DYSF: variants seen among roughly 807,000 people sequenced by gnomAD.
DYSF encodes the protein dysferlin.
In DYSF, 212 loss-of-function variants were observed where a neutral mutation model predicts 274.9. The observed-to-expected ratio is 0.77, with a 90% CI of 0.69 to 0.86. The LOEUF is 0.86. Among genes scored for constraint, DYSF ranks in the 40% least tolerant of loss-of-function variants. The pLI, the probability that DYSF is intolerant of heterozygous loss-of-function variation, is 0.00. For missense variants in DYSF, 2,666 were observed against 2,783.2 expected (o/e 0.96, Z 0.95); for synonymous variants, 1,091 against 1,078.7 (o/e 1.01, Z -0.22).
At chr2:71,564,239 T>C in intron 24 of DYSF, 26 bp downstream of exon 24, 1 of 1,614,160 alleles carries the variant, frequency 6.2e-7, no homozygotes, top group Non-Finnish European at 8.5e-7. Flanking sequence ...TCCCAAGTCA[T>C]GATCGTATTT....
intron 20 of DYSF, 55 bp from the exon 21 acceptor site, chr2:71,553,752 A>AACCCCCCCCCCCCCCCCCCGG: frequency 3.7e-6 from 1 of 267,804 alleles, no homozygotes; most frequent in Non-Finnish European, 6.7e-6. Context: ...TTAGCACCCC[A>AACCCCCCCCCCCCCCCCCCGG]TCCCACCCGC....
chr2:71,523,880 C>T (rs568338851), intron 12 of DYSF, among the ~76,000 whole-genome samples: 15 of 152,234 alleles, frequency 9.9e-5, no homozygotes, highest in Non-Finnish European at 1.5e-4. Context: ...TAGAATCACG[C>T]GTGTCTCCTC....
At chr2:71,582,254 T>G (rs890382885) in intron 30 of DYSF, among the ~76,000 whole-genome samples, 15 of 152,136 alleles carry the variant, frequency 9.9e-5, no homozygotes, top group African/African-American at 3.4e-4. Context: ...TCAAAAGTAG[T>G]TAGCACTTGG....
rs189910924 is a variant in DYSF at position 71,480,755 on chromosome 2, A to C, written c.92-128A>C. ...TTGCAGACTGGCGGGTTCTCAGGGA[A>C]TCTGTTGATTTTGTAAGATTTCCCT... is the stretch of plus-strand genomic sequence containing the variant. On this transcript the variant is annotated intron_variant, in intron 1 of 55. Transcript: ENST00000410020. The C allele has an allele frequency of 7.5e-5, 61 of 811,248 alleles. 1 individual carries two copies. In the East Asian group the frequency reaches 1.6e-3, roughly 21 times the overall value. The allele number at this position is 811,248 out of a possible 1,614,324, so 50.3% of individuals were successfully genotyped here.
At chr2:71,560,594 C>T (rs911275888) in intron 22 of DYSF, among the ~76,000 whole-genome samples, 1 of 152,192 alleles carries the variant, frequency 6.6e-6, no homozygotes, top group Non-Finnish European at 1.5e-5. Context: ...TACTGCTCCC[C>T]CCATCCTAAA....
At chr2:71,591,010 A>G (rs1332582696) in intron 32 of DYSF, among the ~76,000 whole-genome samples, 1 of 152,186 alleles carries the variant, frequency 6.6e-6, no homozygotes, top group Non-Finnish European at 1.5e-5. Context: ...GATTTCAAGT[A>G]TAGACACTGA....
At chr2:71,519,766 TC>T (rs2087034442) in intron 10 of DYSF, among the ~76,000 whole-genome samples, 1 of 151,596 alleles carries the variant, frequency 6.6e-6, no homozygotes, top group South Asian at 2.1e-4. Flanking sequence ...TGCCTCAGCT[TC>T]CCAAGTAGCT....
At chr2:71,611,053 GAGA>G in intron 36 of DYSF, 189 bp from the exon 37 acceptor site, 1 of 637,082 alleles carries the variant, frequency 1.6e-6, no homozygotes, top group South Asian at 1.7e-5. Context: ...TGTGATCCTG[GAGA>G]AGATGATGCC....
intron 39 of DYSF, 100 bp from the exon 40 acceptor site, chr2:71,613,234 C>A: frequency 9.9e-7 from 1 of 1,005,436 alleles, no homozygotes; most frequent in Non-Finnish European, 1.5e-6. Context: ...GGAGAGACTG[C>A]AGGGTCTTGT....
At chr2:71,475,888 C>A (rs1162548321) in intron 1 of DYSF, among the ~76,000 whole-genome samples, 1 of 152,152 alleles carries the variant, frequency 6.6e-6, no homozygotes, top group African/African-American at 2.4e-5. Flanking sequence ...CCCACCTCAG[C>A]ATCTCGAGTA....
In DYSF at chr2:71,520,112, G is replaced by T. The variant is rs376966777; in HGVS notation, c.1003-66G>T. 4 of 1,589,090 alleles carry T rather than the reference G, an allele frequency of 2.5e-6. No homozygotes were observed. In the African/African-American group the frequency reaches 5.4e-5, roughly 21 times the overall value. On this transcript the variant is annotated intron_variant, in intron 10 of 55. Coordinates refer to ENST00000410020, the MANE Select transcript of DYSF (RefSeq NM_001130987.2). ...ATGGTTTTTAATGGAATCATATAAT[G>T]CACCACACTTTATTTAACGCTTTGG...
chr2:71,515,781 C>T (rs774969713), intron 8 of DYSF, 30 bp downstream of exon 8: 1 of 1,613,360 alleles, frequency 6.2e-7, no homozygotes, highest in Non-Finnish European at 8.5e-7. Context: ...AGGGCCAGAA[C>T]CTTGGTGGGC....
At chr2:71,601,366 C>A in intron 34 of DYSF, 133 bp from the exon 35 acceptor site, 1 of 1,193,514 alleles carries the variant, frequency 8.4e-7, no homozygotes, top group Non-Finnish European at 1.3e-6. Flanking sequence ...GCCTAGCATC[C>A]CTTCTACCCT....
intron 17 of DYSF, among the ~76,000 whole-genome samples, chr2:71,544,997 G>A (rs1178275340): frequency 2.0e-5 from 3 of 152,196 alleles, no homozygotes; most frequent in Non-Finnish European, 2.9e-5. Context: ...ATGGGTATAA[G>A]TTGTCTTAAG....
At chr2:71,474,521 T>C (rs1408352984) in intron 1 of DYSF, among the ~76,000 whole-genome samples, 1 of 152,266 alleles carries the variant, frequency 6.6e-6, no homozygotes, top group Non-Finnish European at 1.5e-5. Flanking sequence ...AAATCCATGA[T>C]GAGGAACTAT....
At chr2:71,482,938 G>T (rs10187354) in intron 3 of DYSF, among the ~76,000 whole-genome samples, 58,115 of 151,972 alleles carry the variant, frequency 0.38, 12,472 homozygotes, top group Non-Finnish European at 0.49. Context: ...GGTCAGTGGT[G>T]TCTGAGGCCT....
chr2:71,553,748 C>T (rs2091129209), intron 20 of DYSF, 59 bp from the exon 21 acceptor site: 3 of 759,738 alleles, frequency 3.9e-6, no homozygotes, highest in African/African-American at 1.8e-5. Context: ...ACTCTTAGCA[C>T]CCCATCCCAC....
chr2:71,493,469 GA>G (rs1029849115), intron 3 of DYSF, among the ~76,000 whole-genome samples: 1 of 152,026 alleles, frequency 6.6e-6, no homozygotes, highest in African/African-American at 2.4e-5. Context: ...AACGAACAGA[GA>G]AAAAAGATAT....
intron 41 of DYSF, 133 bp downstream of exon 41, chr2:71,620,742 T>C: frequency 1.1e-6 from 1 of 947,496 alleles, no homozygotes; most frequent in Non-Finnish European, 1.6e-6. Flanking sequence ...AGCAGGGAAG[T>C]CACCTATCTT....
Sources: allele counts gnomAD v4.1 joint callset (sites outside exome capture counted in the v4.1 genomes callset), GRCh38; gene constraint gnomAD v4.1.1; transcripts MANE v1.5; gene names NCBI Gene and HGNC (gene_info 2026-07-23, HGNC 2026-07-21).